KLHL2: variants seen among roughly 807,000 people sequenced by gnomAD.
KLHL2 encodes kelch like family member 2.
A neutral mutation model predicts 75.8 loss-of-function variants in KLHL2; 15 were observed. That is an observed-to-expected ratio of 0.20 (90% CI 0.13 to 0.30). The LOEUF (loss-of-function observed/expected upper bound fraction) is 0.30. Ranked by LOEUF, KLHL2 falls within the 10% of genes least tolerant of loss-of-function variation. The pLI, the probability that KLHL2 is intolerant of heterozygous loss-of-function variation, is 1.00. For synonymous variants in KLHL2, 214 were observed against 251.9 expected (o/e 0.85, Z 1.42); for missense variants, 381 against 741.0 (o/e 0.51, Z 5.64).
intron 8 of KLHL2, among the ~76,000 whole-genome samples, chr4:165,300,631 T>C (rs1000676176): frequency 8.5e-5 from 13 of 152,238 alleles, no homozygotes; most frequent in Non-Finnish European, 1.6e-4. Context: ...TCTGTCTCTG[T>C]TGGCAATTCC....
chr4:165,300,495 C>G (rs921017508), intron 8 of KLHL2, among the ~76,000 whole-genome samples: 1 of 152,106 alleles, frequency 6.6e-6, no homozygotes, highest in Non-Finnish European at 1.5e-5. Context: ...CATACATTCC[C>G]ATGTCTTCCC....
At chr4:165,290,390 C>A (rs1744418889) in intron 5 of KLHL2, among the ~76,000 whole-genome samples, 1 of 152,142 alleles carries the variant, frequency 6.6e-6, no homozygotes, top group South Asian at 2.1e-4. Flanking sequence ...CCTCCTCAGC[C>A]TCCCAAGATT....
chr4:165,264,605 T>TATATATATACACAC (rs757273597), intron 5 of KLHL2, among the ~76,000 whole-genome samples: 4 of 124,102 alleles, frequency 3.2e-5, no homozygotes, highest in African/African-American at 1.2e-4. Flanking sequence ...TATATATATA[T>TATATATATACACAC]ACACACACAC....
At chr4:165,246,995 A>C (rs973482876) in intron 4 of KLHL2, among the ~76,000 whole-genome samples, 8 of 152,178 alleles carry the variant, frequency 5.3e-5, no homozygotes, top group African/African-American at 1.9e-4. Context: ...GAGGAAAAGC[A>C]GGTGTATGTG....
At chr4:165,258,078 A>G (rs987504266) in intron 4 of KLHL2, among the ~76,000 whole-genome samples, 6 of 152,176 alleles carry the variant, frequency 3.9e-5, no homozygotes, top group African/African-American at 7.2e-5. Flanking sequence ...AGGAGGGGCG[A>G]GGGCCTCTTT....
At chr4:165,256,990 A>G (rs865814958) in intron 4 of KLHL2, among the ~76,000 whole-genome samples, 4 of 152,188 alleles carry the variant, frequency 2.6e-5, no homozygotes, top group Non-Finnish European at 5.9e-5. Flanking sequence ...AAAATATTCA[A>G]TTTCATTGAT....
rs76930707 is a variant in KLHL2 at position 165,258,611 on chromosome 4, A to C, written c.382-4586A>C. On this transcript the variant is annotated intron_variant, in intron 4 of 14. Coordinates refer to ENST00000226725, the MANE Select transcript of KLHL2 (RefSeq NM_007246.4). Reference sequence around the variant, plus strand: ...TCAGAAAATAAGTTTCAAAGACATAAATTTATTCATTGGACCTTTTAGTTA... The same window carrying C: ...TCAGAAAATAAGTTTCAAAGACATACATTTATTCATTGGACCTTTTAGTTA... Among the ~76,000 whole-genome samples the C allele has an allele frequency of 1.4e-4, 22 of 152,264 alleles. No individual in the cohort carries two copies. In the East Asian group the frequency reaches 2.3e-3, roughly 16 times the overall value.
In KLHL2 at chr4:165,228,900, T is replaced by G; in HGVS notation, c.246T>G (p.His82Gln). Residue 82 changes from histidine (H) to glutamine (Q), a missense_variant, in exon 3 of 15, where the codon CAT becomes CAG. Physicochemically the swap from His to Gln is conservative, Grantham distance 24. This residue lies in a region of KLHL2 where 3 missense variants were observed against 30.2 expected (regional missense o/e 0.10). Coordinates refer to ENST00000226725, the MANE Select transcript of KLHL2 (RefSeq NM_007246.4). ...TGGCCGCCTGTAGTCCTTATTTTCA[T>G]GCCATGTTTACAGGTATGAAATATT... ...VVLAACSPYF[H>Q]AMFTGEMSES... 6.2e-7 allele frequency: 1 copy of G among 1,604,176 alleles called. No individual in the cohort carries two copies. Among genetic ancestry groups the G allele is most frequent in the Non-Finnish European group, 8.5e-7 (1 of 1,171,702 alleles).
chr4:165,316,326 T>TC (rs1229827451), intron 13 of KLHL2, among the ~76,000 whole-genome samples: 1 of 152,336 alleles, frequency 6.6e-6, no homozygotes, highest in African/African-American at 2.4e-5. Context: ...GATCATTTTT[T>TC]CTCTCACAGT....
intron 1 of KLHL2, among the ~76,000 whole-genome samples, chr4:165,212,619 T>C (rs1737265498): frequency 6.6e-6 from 1 of 152,252 alleles, no homozygotes; most frequent in Admixed American, 6.5e-5. Context: ...TTGCTAAATG[T>C]GATTTGCATA....
Position 165,220,130 on chromosome 4 carries a change from T to G in KLHL2, c.152+71T>G. 1.3e-5 allele frequency: 20 copies of G among 1,533,266 alleles called. No individual in the cohort carries two copies. In the South Asian group the frequency reaches 1.4e-4, roughly 11 times the overall value. 95.0% of individuals were successfully genotyped at this position (1,533,266 alleles called of 1,614,324 possible). A position where few individuals can be genotyped will look rare whatever the true frequency, so the allele number is the denominator to read the frequency against. On this transcript the variant is annotated intron_variant, in intron 2 of 14. Transcript: ENST00000226725. ...ATTTTTCAGTTGTTTGTAGTGAATA[T>G]ATAATCAACCTTCCATTGTTGCTTT...
chr4:165,299,262 A>G (rs935096570), intron 7 of KLHL2, among the ~76,000 whole-genome samples: 14 of 151,900 alleles, frequency 9.2e-5, no homozygotes, highest in African/African-American at 3.4e-4. Flanking sequence ...GAAGTTTATC[A>G]TTTTTCACTG....
intron 13 of KLHL2, 54 bp from the exon 14 acceptor site, chr4:165,317,772 T>A (rs1746692505): frequency 7.1e-7 from 1 of 1,398,864 alleles, no homozygotes. Context: ...ACAGTGATAC[T>A]CATATTCATC....
intron 5 of KLHL2, chr4:165,277,837 C>T: frequency 2.8e-6 from 2 of 725,840 alleles, no homozygotes; most frequent in South Asian, 1.5e-5. Context: ...TTTTAAGCCA[C>T]AGGTCTACTT....
intron 5 of KLHL2, among the ~76,000 whole-genome samples, chr4:165,288,054 C>A (rs1357958033): frequency 3.9e-5 from 6 of 152,134 alleles, no homozygotes; most frequent in Non-Finnish European, 1.5e-5. Context: ...CTTTTGGTGT[C>A]ATTTCCAAGA....
intron 2 of KLHL2, among the ~76,000 whole-genome samples, chr4:165,223,565 G>T (rs2111004700): frequency 6.6e-6 from 1 of 152,288 alleles, no homozygotes; most frequent in East Asian, 1.9e-4. Flanking sequence ...GTGCAGAAAA[G>T]GTTAGGAAGC....
chr4:165,256,767 G>A (rs1017694430), intron 4 of KLHL2, among the ~76,000 whole-genome samples: 1 of 152,062 alleles, frequency 6.6e-6, no homozygotes, highest in Non-Finnish European at 1.5e-5. Flanking sequence ...AAATAAATAG[G>A]AAATGTTCAT....
intron 5 of KLHL2, among the ~76,000 whole-genome samples, chr4:165,275,102 A>G (rs919161374): frequency 2.7e-4 from 24 of 89,594 alleles, no homozygotes; most frequent in Non-Finnish European, 5.9e-4. Flanking sequence ...TGAAAGATTT[A>G]TTTTATTTTA....
intron 6 of KLHL2, among the ~76,000 whole-genome samples, chr4:165,295,528 T>G (rs891355571): frequency 1.3e-5 from 2 of 152,188 alleles, no homozygotes; most frequent in African/African-American, 4.8e-5. Context: ...ACTCATAGAC[T>G]AGTGGGACAG....
Sources: allele counts gnomAD v4.1 joint callset (sites outside exome capture counted in the v4.1 genomes callset), GRCh38; gene constraint gnomAD v4.1.1; regional missense constraint gnomAD v4.1.1; transcripts MANE v1.5; gene names NCBI Gene and HGNC (gene_info 2026-07-23, HGNC 2026-07-21).